IFT43: variants seen among roughly 807,000 people sequenced by gnomAD.
IFT43 encodes intraflagellar transport protein 43 homolog.
A neutral mutation model predicts 32.3 loss-of-function variants in IFT43; 33 were observed. That is an observed-to-expected ratio of 1.02 (90% CI 0.77 to 1.37). The LOEUF (loss-of-function observed/expected upper bound fraction) is 1.37. IFT43 is among the 40% of genes most tolerant of loss of function. The pLI is 0.00. For missense variants in IFT43, 274 were observed against 265.9 expected, an observed-to-expected ratio of 1.03 and a Z score of -0.21; for synonymous variants, 93 against 98.2, an observed-to-expected ratio of 0.95 and a Z score of 0.31.
intron 5 of IFT43, among the ~76,000 whole-genome samples, chr14:76,062,938 A>AAAAAAAAAAAAAAAAAAAAGAAAAAAG (rs1485146040): frequency 5.0e-5 from 6 of 120,830 alleles, no homozygotes; most frequent in African/African-American, 2.0e-4. Context: ...AAAAAAAAAA[A>AAAAAAAAAAAAAAAAAAAAGAAAAAAG]AAAGAAAATA....
intron 3 of IFT43, among the ~76,000 whole-genome samples, chr14:76,032,092 T>C (rs1471173066): frequency 6.6e-6 from 1 of 152,136 alleles, no homozygotes; most frequent in Admixed American, 6.5e-5. Context: ...TCCAAAGTCA[T>C]CCCTAGATCT....
intron 5 of IFT43, chr14:76,076,776 GTGA>G (rs2037420996): frequency 6.8e-7 from 1 of 1,474,546 alleles, no homozygotes; most frequent in African/African-American, 1.4e-5. Context: ...GTGTGCGCAT[GTGA>G]TGATATTATC....
intron 2 of IFT43, among the ~76,000 whole-genome samples, chr14:76,005,299 G>A (rs1409660368): frequency 6.6e-6 from 1 of 152,204 alleles, no homozygotes; most frequent in Non-Finnish European, 1.5e-5. Flanking sequence ...TAGGTTGGGT[G>A]TATTTTGGTT....
chr14:76,031,180 T>C (rs1328061870), intron 3 of IFT43, among the ~76,000 whole-genome samples: 3 of 151,858 alleles, frequency 2.0e-5, no homozygotes, highest in African/African-American at 7.2e-5. Context: ...CTGCCTATTT[T>C]TATAAAGTTT....
At chr14:76,056,411 G>A (rs1000879341) in intron 3 of IFT43, among the ~76,000 whole-genome samples, 8 of 152,198 alleles carry the variant, frequency 5.3e-5, no homozygotes, top group Non-Finnish European at 7.3e-5. Flanking sequence ...CAATTAAGCT[G>A]AATATTAAAC....
chr14:76,011,057 C>T (rs1312574742), intron 2 of IFT43, among the ~76,000 whole-genome samples: 2 of 151,950 alleles, frequency 1.3e-5, no homozygotes, highest in Non-Finnish European at 2.9e-5. Flanking sequence ...TGCACACCAC[C>T]ACACCCAGCT....
chr14:75,987,766 A>C (rs1295466272), intron 1 of IFT43, among the ~76,000 whole-genome samples: 1 of 152,228 alleles, frequency 6.6e-6, no homozygotes, highest in African/African-American at 2.4e-5. Context: ...CAGAGTCTCC[A>C]CCGGAGGGCC....
At chr14:75,991,797 C>T (rs1197578241) in intron 2 of IFT43, among the ~76,000 whole-genome samples, 2 of 152,134 alleles carry the variant, frequency 1.3e-5, no homozygotes, top group Admixed American at 1.3e-4. Context: ...CCAACTGTTG[C>T]CTCTGAAAGC....
At position 76,039,303 on chromosome 14, in the gene IFT43, C is replaced by T. The variant is rs531938047; in HGVS notation, c.215+16909C>T. On this transcript the variant is annotated intron_variant, in intron 3 of 8. Transcript: ENST00000314067. ...ACTCCTGCGTAGTTGAGACTACAGG[C>T]GTGTGCCACCATACTCGCCACGTTT... Among the ~76,000 whole-genome samples, 5 of 152,170 alleles carry T rather than the reference C, an allele frequency of 3.3e-5. No homozygotes were observed. In the South Asian group the frequency reaches 8.3e-4, roughly 25 times the overall value.
intron 5 of IFT43, among the ~76,000 whole-genome samples, chr14:76,079,218 C>T (rs1435250131): frequency 6.6e-6 from 1 of 152,228 alleles, no homozygotes; most frequent in Non-Finnish European, 1.5e-5. Context: ...TCACTCCATG[C>T]AAGCTGCTTA....
At chr14:76,007,151 G>A (rs1394078464) in intron 2 of IFT43, among the ~76,000 whole-genome samples, 3 of 152,152 alleles carry the variant, frequency 2.0e-5, no homozygotes, top group East Asian at 1.9e-4. Context: ...GAGCCACTGC[G>A]CCTGTGCTGG....
At chr14:76,018,034 G>C (rs920269551) in intron 2 of IFT43, among the ~76,000 whole-genome samples, 1 of 151,368 alleles carries the variant, frequency 6.6e-6, no homozygotes, top group Non-Finnish European at 1.5e-5. Flanking sequence ...ATTTTTTTAA[G>C]TCTCTATTTT....
At chr14:76,061,515 C>A (rs535651138) in intron 5 of IFT43, among the ~76,000 whole-genome samples, 1 of 152,118 alleles carries the variant, frequency 6.6e-6, no homozygotes, top group Admixed American at 6.5e-5. Flanking sequence ...TGTTTTTAGT[C>A]TACTTTTTTT....
chr14:76,082,681 A>G lies in IFT43; in HGVS notation c.433A>G (p.Ile145Val). Residue 145 changes from isoleucine (I) to valine (V), a missense_variant, in exon 7 of 9, where the codon ATT becomes GTT. By Grantham distance (29) the Ile-to-Val change is conservative (BLOSUM62 3). Transcript: ENST00000314067. Reference sequence around the variant, plus strand: ...CAATGACCTCATGAAGTACTCAGCCATTCAGACACTGGTGAGTGGAACAGC... The same window carrying G: ...CAATGACCTCATGAAGTACTCAGCCGTTCAGACACTGGTGAGTGGAACAGC... ...LDNDLMKYSA[I>V]QTLDGEIDLK... 2 of 1,607,214 alleles carry G rather than the reference A, an allele frequency of 1.2e-6. No individual in the cohort carries two copies. Among genetic ancestry groups the G allele is most frequent in the Non-Finnish European group, 1.7e-6 (2 of 1,173,724 alleles).
At chr14:76,024,775 G>A (rs910180037) in intron 3 of IFT43, among the ~76,000 whole-genome samples, 3 of 152,204 alleles carry the variant, frequency 2.0e-5, no homozygotes, top group Admixed American at 2.0e-4. Flanking sequence ...GTAGCTGTCA[G>A]CACCTTCCAG....
At chr14:76,050,821 G>C (rs11626937) in intron 3 of IFT43, among the ~76,000 whole-genome samples, 51,191 of 151,568 alleles carry the variant, frequency 0.34, 8,649 homozygotes, top group African/African-American at 0.36. Flanking sequence ...ATTTGAGAGG[G>C]CTAAAACCTC....
intron 3 of IFT43, among the ~76,000 whole-genome samples, chr14:76,043,530 G>A (rs973815780): frequency 3.3e-5 from 5 of 151,926 alleles, no homozygotes; most frequent in Admixed American, 1.3e-4. Flanking sequence ...GCAGTGGTGC[G>A]ATCTTGGCTC....
rs535188208 is a variant in IFT43 at position 76,001,472 on chromosome 14, G to A, written c.147+12495G>A. Reference sequence around the variant, plus strand: ...GGGGCCCATGCAGGCATGCGATATAGATTTGAGGTAGGTGAGACTGGAAGC... The same window carrying A: ...GGGGCCCATGCAGGCATGCGATATAAATTTGAGGTAGGTGAGACTGGAAGC... On this transcript the variant is annotated intron_variant, in intron 2 of 8. Transcript: ENST00000314067. Among the ~76,000 whole-genome samples the A allele has an allele frequency of 2.6e-5, 4 of 152,292 alleles. No individual in the cohort carries two copies. In the South Asian group the frequency reaches 6.2e-4, roughly 24 times the overall value.
At position 76,083,634 on chromosome 14, in the gene IFT43, C is replaced by T; in HGVS notation, c.*57C>T. 2 of 1,567,626 alleles carry T rather than the reference C, an allele frequency of 1.3e-6. No homozygotes were observed. Among genetic ancestry groups the T allele is most frequent in the South Asian group, 1.1e-5 (1 of 89,946 alleles). ...TGCAATGAGCTTAAAGCTAAAGAAG[C>T]TTGTAAGCAGCTCCGAATTTTTACC... On this transcript the variant is annotated 3_prime_UTR_variant, in exon 9 of 9. Transcript: ENST00000314067.
Sources: gnomAD v4.1 joint callset for allele counts (sites outside exome capture counted in the v4.1 genomes callset) on GRCh38, gnomAD v4.1.1 for gene constraint, MANE v1.5 for transcripts, NCBI Gene and HGNC (gene_info 2026-07-23, HGNC 2026-07-21) for gene names.